FLNB: variants seen among roughly 807,000 people sequenced by gnomAD.
The protein encoded by FLNB is filamin-B.
Under a neutral mutation model 250.6 loss-of-function variants are expected in FLNB, and 111 were observed. That is an observed-to-expected ratio of 0.44 (90% CI 0.38 to 0.52). FLNB has a LOEUF of 0.52. FLNB is among the 20% of genes least tolerant of loss of function. The probability of loss-of-function intolerance (pLI) is 0.00; values close to 1 mark genes in which losing one functional copy is unlikely to be tolerated. For synonymous variants in FLNB, 1,302 were observed against 1,372.1 expected, an observed-to-expected ratio of 0.95 and a Z score of 1.13; for missense variants, 2,869 against 3,447.8, an observed-to-expected ratio of 0.83 and a Z score of 4.20.
intron 43 of FLNB, chr3:58,163,849 G>C (rs1357264884): frequency 6.3e-6 from 1 of 158,110 alleles, no homozygotes; most frequent in Non-Finnish European, 1.4e-5. Flanking sequence ...GAATTCTGAA[G>C]CTTTTTAGAC....
chr3:58,094,834 A>G lies in FLNB; in HGVS notation c.788-2A>G. 6.2e-7 allele frequency: 1 copy of G among 1,613,120 alleles called. No homozygotes were observed. The highest frequency in any genetic ancestry group is 8.5e-7 in the Non-Finnish European group (1 of 1,179,076). On this transcript the variant is annotated splice_acceptor_variant, in intron 4 of 45. Transcript: ENST00000295956. LOFTEE classifies it high-confidence loss of function. ...TAACATGTCTGTGTAAACCTGTGGC[A>G]GGAATCGAGCCCACTGGAAACATGG...
intron 3 of FLNB, among the ~76,000 whole-genome samples, 190 bp downstream of exon 3, chr3:58,079,004 G>A (rs1026538610): frequency 6.6e-6 from 1 of 152,148 alleles, no homozygotes; most frequent in Admixed American, 6.5e-5. Flanking sequence ...GGTGCTTATA[G>A]ATCTTAGTGT....
At chr3:58,032,926 A>AT (rs1177896814) in intron 1 of FLNB, among the ~76,000 whole-genome samples, 2 of 152,110 alleles carry the variant, frequency 1.3e-5, no homozygotes, top group Non-Finnish European at 2.9e-5. Flanking sequence ...GCCAAAAAAA[A>AT]GCTAGGTGTA....
intron 42 of FLNB, among the ~76,000 whole-genome samples, chr3:58,161,499 G>A (rs528111485): frequency 8.5e-4 from 129 of 152,206 alleles, no homozygotes; most frequent in Non-Finnish European, 1.7e-3. Context: ...ATGTGCTTCA[G>A]GGGAAGCTAA....
chr3:58,017,410 C>T (rs577780940), intron 1 of FLNB, among the ~76,000 whole-genome samples: 2 of 152,260 alleles, frequency 1.3e-5, no homozygotes, highest in African/African-American at 2.4e-5. Flanking sequence ...GCCATCACAC[C>T]TGGATAATTT....
chr3:58,114,290 T>C (rs900950832), intron 18 of FLNB, among the ~76,000 whole-genome samples: 7 of 151,976 alleles, frequency 4.6e-5, no homozygotes, highest in African/African-American at 1.7e-4. Flanking sequence ...ATTTTTAGTA[T>C]AGATGTTTCA....
At chr3:58,106,441 G>A (rs1197240217) in intron 11 of FLNB, among the ~76,000 whole-genome samples, 2 of 148,292 alleles carry the variant, frequency 1.3e-5, no homozygotes, top group East Asian at 3.9e-4. Context: ...ACAGGTGTGA[G>A]CCACCACACC....
intron 37 of FLNB, 32 bp downstream of exon 37, chr3:58,150,034 T>A (rs1358354929): frequency 9.9e-6 from 16 of 1,614,158 alleles, no homozygotes; most frequent in Non-Finnish European, 1.3e-5. Flanking sequence ...CCAGGTGGGA[T>A]GCTTGGGTTT....
intron 26 of FLNB, among the ~76,000 whole-genome samples, chr3:58,134,230 A>G (rs950735319): frequency 6.6e-6 from 1 of 152,176 alleles, no homozygotes; most frequent in Non-Finnish European, 1.5e-5. Flanking sequence ...TGCGAACCCT[A>G]TTGTGAACTG....
At chr3:58,066,951 A>G (rs2097186446) in intron 1 of FLNB, among the ~76,000 whole-genome samples, 1 of 152,232 alleles carries the variant, frequency 6.6e-6, no homozygotes, top group Non-Finnish European at 1.5e-5. Flanking sequence ...GTGAGAGAGA[A>G]CAGAAGGAAT....
At chr3:58,153,353 C>A in intron 38 of FLNB, 22 bp from the exon 39 acceptor site, 1 of 1,614,124 alleles carries the variant, frequency 6.2e-7, no homozygotes, top group Non-Finnish European at 8.5e-7. Context: ...CTTCTCTCCC[C>A]CAACCTCCCT....
chr3:58,064,251 C>T (rs9884078), intron 1 of FLNB, among the ~76,000 whole-genome samples: 41,429 of 151,980 alleles, frequency 0.27, 6,093 homozygotes, highest in Middle Eastern at 0.39. Flanking sequence ...AGCAATTCTC[C>T]TGCCTCAGCC....
chr3:58,127,676 TGC>T, intron 24 of FLNB, among the ~76,000 whole-genome samples: 1 of 152,328 alleles, frequency 6.6e-6, no homozygotes, highest in Non-Finnish European at 1.5e-5. Context: ...CTCCATATCT[TGC>T]CAGATGTCTT....
chr3:58,135,828 T>C, intron 27 of FLNB, 151 bp from the exon 28 acceptor site: 1 of 814,454 alleles, frequency 1.2e-6, no homozygotes, highest in Non-Finnish European at 2.0e-6. Flanking sequence ...CTACTCTCCC[T>C]ACCAAAAAAC....
intron 1 of FLNB, among the ~76,000 whole-genome samples, chr3:58,017,483 T>C (rs1170297847): frequency 2.0e-5 from 3 of 152,074 alleles, no homozygotes; most frequent in Non-Finnish European, 4.4e-5. Flanking sequence ...GAACTCCCGA[T>C]CTCAGGTGAT....
intron 1 of FLNB, among the ~76,000 whole-genome samples, chr3:58,060,156 A>C (rs1339676264): frequency 1.3e-5 from 2 of 152,178 alleles, no homozygotes; most frequent in African/African-American, 4.8e-5. Flanking sequence ...CTAGGGTGCA[A>C]GTGAACGGGG....
intron 1 of FLNB, among the ~76,000 whole-genome samples, chr3:58,045,230 A>C (rs2097151941): frequency 6.6e-6 from 1 of 152,190 alleles, no homozygotes; most frequent in South Asian, 2.1e-4. Flanking sequence ...GAATCCTAAA[A>C]GTTTGTTGGG....
At chr3:58,170,535 C>T in intron 45 of FLNB, 40 bp from the exon 46 acceptor site, 3 of 1,597,890 alleles carry the variant, frequency 1.9e-6, no homozygotes, top group African/African-American at 2.7e-5. Flanking sequence ...TGTGCCTGTC[C>T]TGATGCATCC....
intron 1 of FLNB, among the ~76,000 whole-genome samples, chr3:58,060,707 T>C (rs1320410041): frequency 7.4e-6 from 1 of 135,508 alleles, no homozygotes. Context: ...CCCAGCTACT[T>C]GTGAGGCTGG....
Sources: gnomAD v4.1 joint callset for allele counts (sites outside exome capture counted in the v4.1 genomes callset) on GRCh38, gnomAD v4.1.1 for gene constraint, MANE v1.5 for transcripts, NCBI Gene and HGNC (gene_info 2026-07-23, HGNC 2026-07-21) for gene names.